The following PCLO variants were observed in gnomAD, a reference collection of about 807,000 sequenced individuals.
The protein encoded by PCLO is piccolo presynaptic cytomatrix protein.
PCLO carries 82 observed loss-of-function variants against 427.5 expected under a neutral mutation model. The ratio of observed to expected loss-of-function variants is 0.19; its 90% CI spans 0.16 to 0.23. The LOEUF (loss-of-function observed/expected upper bound fraction) is 0.23. Among genes scored for constraint, PCLO ranks in the 10% least tolerant of loss-of-function variants. PCLO has a pLI of 1.00. For synonymous variants in PCLO, 2,357 were observed against 2,155.4 expected (o/e 1.09, Z -2.59); for missense variants, 6,239 against 6,115.9 (o/e 1.02, Z -0.67).
intron 3 of PCLO, among the ~76,000 whole-genome samples, chr7:83,066,346 T>C (rs1261777919): frequency 2.6e-5 from 4 of 152,094 alleles, no homozygotes; most frequent in African/African-American, 9.7e-5. Flanking sequence ...TGTCTATCCA[T>C]ACCATTTTCT....
chr7:82,864,568 T>C (rs917438886), intron 10 of PCLO, among the ~76,000 whole-genome samples: 1 of 152,210 alleles, frequency 6.6e-6, no homozygotes, highest in Non-Finnish European at 1.5e-5. Context: ...TTTAAAAACA[T>C]CTTGCCATTT....
At chr7:82,760,943 C>CTTTTTTTTTTTTTTT (rs767222339) in intron 23 of PCLO, among the ~76,000 whole-genome samples, 159 bp from the exon 24 acceptor site, 2 of 60,396 alleles carry the variant, frequency 3.3e-5, no homozygotes, top group African/African-American at 1.3e-4. Context: ...AAAGATATGT[C>CTTTTTTTTTTTTTTT]TTTTTTTTTT....
chr7:82,887,694 CCA>C (rs1793659508), intron 9 of PCLO, among the ~76,000 whole-genome samples: 1 of 152,094 alleles, frequency 6.6e-6, no homozygotes, highest in Non-Finnish European at 1.5e-5. Context: ...GTAAATAAAT[CCA>C]CATTTTCACC....
intron 9 of PCLO, among the ~76,000 whole-genome samples, chr7:82,885,204 T>C (rs771327486): frequency 6.6e-6 from 1 of 152,156 alleles, no homozygotes; most frequent in African/African-American, 2.4e-5. Context: ...GATTTACTCC[T>C]GGCCTTCAAG....
chr7:83,086,994 C>G (rs947143515), intron 3 of PCLO, among the ~76,000 whole-genome samples: 3 of 146,346 alleles, frequency 2.0e-5, no homozygotes, highest in African/African-American at 7.6e-5. Flanking sequence ...CGCATGTTCT[C>G]ACTCATAGGT....
In PCLO at chr7:82,862,299, A is replaced by G. The variant is rs189340188; in HGVS notation, c.13655-15052T>C. Among the ~76,000 whole-genome samples, 392 of 152,150 alleles carry G rather than the reference A, an allele frequency of 2.6e-3. 6 individuals are homozygous for G. Among genetic ancestry groups the G allele is most frequent in the Admixed American group, 0.025 (376 of 15,270 alleles). The stretch of plus-strand genomic sequence containing the variant: ...GCTTATGTCCAAAAGACAGGCAATA[A>G]CAAATGCTGATGAGGATGTGGAGAA... On this transcript the variant is annotated intron_variant, in intron 10 of 24. Coordinates refer to ENST00000333891, the MANE Select transcript of PCLO (RefSeq NM_033026.6).
chr7:83,159,523 T>TA (rs1450949032), intron 1 of PCLO, among the ~76,000 whole-genome samples: 1 of 152,218 alleles, frequency 6.6e-6, no homozygotes, highest in African/African-American at 2.4e-5. Context: ...CTTCTACTGC[T>TA]AGCTTGTAAC....
intron 22 of PCLO, among the ~76,000 whole-genome samples, chr7:82,781,392 G>C (rs1790869376): frequency 6.6e-6 from 1 of 151,492 alleles, no homozygotes; most frequent in African/African-American, 2.4e-5. Context: ...GTAGGTATAC[G>C]TGTGCCATGG....
chr7:82,926,226 T>C (rs1794708970), intron 6 of PCLO, among the ~76,000 whole-genome samples: 1 of 152,188 alleles, frequency 6.6e-6, no homozygotes, highest in Non-Finnish European at 1.5e-5. Flanking sequence ...AGTTTAATAA[T>C]TGTTTCTATG....
intron 3 of PCLO, among the ~76,000 whole-genome samples, chr7:83,078,925 T>C (rs1790026855): frequency 6.6e-6 from 1 of 152,152 alleles, no homozygotes; most frequent in South Asian, 2.1e-4. Context: ...AGCTTATGAA[T>C]ACAACTATCT....
At chr7:83,010,419 A>G (rs537165290) in intron 3 of PCLO, among the ~76,000 whole-genome samples, 1 of 151,850 alleles carries the variant, frequency 6.6e-6, no homozygotes, top group East Asian at 1.9e-4. Flanking sequence ...CCGATATCCA[A>G]TCCATCTAGT....
intron 20 of PCLO, among the ~76,000 whole-genome samples, chr7:82,818,451 C>T (rs1312462229): frequency 6.6e-6 from 1 of 152,106 alleles, no homozygotes; most frequent in East Asian, 1.9e-4. Context: ...GGAAGGCTTC[C>T]TTTTGTTGGG....
At chr7:82,894,738 G>C (rs1202236152) in intron 9 of PCLO, among the ~76,000 whole-genome samples, 1 of 152,022 alleles carries the variant, frequency 6.6e-6, no homozygotes. Flanking sequence ...AGACAGGGCA[G>C]GGTATGAAAA....
In PCLO at chr7:83,072,006, T is replaced by C. The variant is rs568782898; in HGVS notation, c.3300+62244A>G. ...CTGAATATGTGATTCAAACAGGTTA[T>C]GTTATTCAAATTTCTTATTTTAAGT... On this transcript the variant is annotated intron_variant, in intron 3 of 24. Transcript: ENST00000333891. 2.5e-4 allele frequency among the ~76,000 whole-genome samples: 38 copies of C among 152,240 alleles called. No homozygotes were observed. The South Asian group carries it at 7.9e-3, about 32-fold the overall frequency.
intron 3 of PCLO, among the ~76,000 whole-genome samples, chr7:83,071,619 C>A (rs555265621): frequency 6.6e-6 from 1 of 152,234 alleles, no homozygotes; most frequent in South Asian, 2.1e-4. Flanking sequence ...GAGCACAGTG[C>A]TTTTTAATTA....
intron 3 of PCLO, among the ~76,000 whole-genome samples, chr7:83,047,561 A>G (rs986025588): frequency 2.0e-5 from 3 of 152,072 alleles, no homozygotes; most frequent in African/African-American, 7.2e-5. Flanking sequence ...AATGGAAAGA[A>G]GACTGCTATA....
intron 22 of PCLO, among the ~76,000 whole-genome samples, chr7:82,776,831 T>TAC (rs1318959473): frequency 3.1e-4 from 18 of 57,486 alleles, no homozygotes; most frequent in African/African-American, 6.7e-4. Context: ...TCTCTCTCTA[T>TAC]ATATACACAC....
rs776710667 is a variant in PCLO, at chr7:83,155,358, T to C, written c.1283A>G (p.Gln428Arg). Reference protein sequence around the residue: ...PKPLAQQPGLQSPAKAPGPTK... With the variant: ...PKPLAQQPGLRSPAKAPGPTK... ...AGGCCCAGGTGCCTTAGCTGGAGAC[T>C]GTAGCCCAGGTTGTTGAGCTAGGGG... Residue 428 changes from glutamine to arginine, a missense_variant, in exon 2 of 25, where the codon CAG becomes CGG. Gln to Arg is a conservative substitution (Grantham distance 43). Transcript: ENST00000333891. 4.3e-6 allele frequency: 7 copies of C among 1,613,608 alleles called. No homozygotes were observed. The highest frequency in any genetic ancestry group is 5.9e-6 in the Non-Finnish European group (7 of 1,179,840).
At chr7:83,119,389 T>C (rs1180021991) in intron 3 of PCLO, among the ~76,000 whole-genome samples, 1 of 151,952 alleles carries the variant, frequency 6.6e-6, no homozygotes, top group Non-Finnish European at 1.5e-5. Context: ...TTGTAGGAAA[T>C]TCTCCTGGAT....
Sources: gnomAD v4.1 joint callset for allele counts (sites outside exome capture counted in the v4.1 genomes callset) on GRCh38, gnomAD v4.1.1 for gene constraint, MANE v1.5 for transcripts, NCBI Gene and HGNC (gene_info 2026-07-23, HGNC 2026-07-21) for gene names.